FMO2: variants seen among roughly 807,000 people sequenced by gnomAD.
FMO2 encodes flavin-containing monooxygenase 2.
FMO2 carries 33 observed loss-of-function variants against 41.6 expected under a neutral mutation model. That is an observed-to-expected ratio of 0.79 (90% CI 0.60 to 1.06). The LOEUF (loss-of-function observed/expected upper bound fraction) is 1.06. Ranked by LOEUF, FMO2 falls within the 50% of genes least tolerant of loss-of-function variation. The pLI, the probability that FMO2 is intolerant of heterozygous loss-of-function variation, is 0.00. For synonymous variants in FMO2, 214 were observed against 219.6 expected (o/e 0.97, Z 0.23); for missense variants, 619 against 632.9 (o/e 0.98, Z 0.23).
Position 171,199,335 on chromosome 1 carries a change from TC to T in FMO2, c.485-6del, listed in dbSNP as rs1254028681. ...TGGAGCTCACAGACTTCTCTCTTCTTCCCCCTGAAGGTATGGAGAGGTTCAA... is the reference window on the plus strand; with the variant it reads ...TGGAGCTCACAGACTTCTCTCTTCTTCCCCTGAAGGTATGGAGAGGTTCAA... On this transcript the variant is annotated splice_polypyrimidine_tract_variant and intron_variant, in intron 4 of 8. Transcript: ENST00000209929. 1 of 1,567,522 alleles carries T rather than the reference TC, an allele frequency of 6.4e-7. No individual in the cohort carries two copies. The highest frequency in any genetic ancestry group is 1.9e-5 in the Admixed American group (1 of 51,610).
chr1:171,195,277 A>G (rs181381123), intron 3 of FMO2, among the ~76,000 whole-genome samples: 1 of 152,326 alleles, frequency 6.6e-6, no homozygotes, highest in East Asian at 1.9e-4. Context: ...TATGATTGTC[A>G]ATGTAATCTA....
At chr1:171,195,225 C>T (rs971444787) in intron 3 of FMO2, among the ~76,000 whole-genome samples, 2 of 152,156 alleles carry the variant, frequency 1.3e-5, no homozygotes, top group Non-Finnish European at 2.9e-5. Flanking sequence ...GGTGTTAGAG[C>T]TCAACTCGAG....
intron 3 of FMO2, among the ~76,000 whole-genome samples, chr1:171,195,796 TA>T (rs11287160): frequency 0.4 from 60,458 of 152,028 alleles, 12,826 homozygotes; most frequent in East Asian, 0.55. Flanking sequence ...GAGCTACATT[TA>T]AAAAAATCAA....
Position 171,185,704 on chromosome 1 carries a change from A to G in FMO2, c.-6-4A>G. ...GTAATGTTGATTGATCAACTCCTTGACAGGAGCTGATGGCAAAGAAGGTAG... is the reference window on the plus strand; with the variant it reads ...GTAATGTTGATTGATCAACTCCTTGGCAGGAGCTGATGGCAAAGAAGGTAG... On this transcript the variant is annotated splice_polypyrimidine_tract_variant and splice_region_variant and intron_variant, in intron 1 of 8. Transcript: ENST00000209929. 6.2e-7 allele frequency: 1 copy of G among 1,613,524 alleles called. No individual in the cohort carries two copies. The highest frequency in any genetic ancestry group is 1.7e-5 in the Admixed American group (1 of 60,016).
chr1:171,198,895 T>C (rs28369872), intron 4 of FMO2, among the ~76,000 whole-genome samples: 15,839 of 151,840 alleles, frequency 0.1, 1,498 homozygotes, highest in African/African-American at 0.26. Flanking sequence ...CCTGTTTTTT[T>C]GTTTGTTTTT....
chr1:171,187,027 A>G (rs1416137988), intron 2 of FMO2, among the ~76,000 whole-genome samples: 1 of 152,236 alleles, frequency 6.6e-6, no homozygotes, highest in African/African-American at 2.4e-5. Context: ...AATAATAACT[A>G]TATATTTTAT....
rs145538887 is a variant in FMO2 at position 171,200,283 on chromosome 1, A to G, written c.627+795A>G. Among the ~76,000 whole-genome samples, 500 of 152,302 alleles carry G rather than the reference A, an allele frequency of 3.3e-3. 3 individuals are homozygous for G. The highest frequency in any genetic ancestry group is 0.011 in the African/African-American group (471 of 41,562). On this transcript the variant is annotated intron_variant, in intron 5 of 8. Transcript: ENST00000209929. ...ACACCAGCTGAGCTGCCAAAGAGTC[A>G]AACATTCATTACACGATGATGCTGC...
At chr1:171,197,483 G>A (rs910719260) in intron 4 of FMO2, among the ~76,000 whole-genome samples, 2 of 152,174 alleles carry the variant, frequency 1.3e-5, no homozygotes, top group African/African-American at 4.8e-5. Context: ...CAGGATTAAG[G>A]CCTGCTCATC....
intron 2 of FMO2, chr1:171,188,901 G>A (rs1201134201): frequency 6.6e-6 from 1 of 152,074 alleles, no homozygotes; most frequent in Non-Finnish European, 1.5e-5. Context: ...TATATTTTTC[G>A]TTCTGTTTCC....
intron 2 of FMO2, among the ~76,000 whole-genome samples, chr1:171,192,118 A>G (rs773177497): frequency 6.6e-6 from 1 of 152,198 alleles, no homozygotes; most frequent in Non-Finnish European, 1.5e-5. Flanking sequence ...AACTTGATTA[A>G]GAAACTCATT....
intron 4 of FMO2, among the ~76,000 whole-genome samples, chr1:171,198,698 A>G (rs1277777382): frequency 4.0e-5 from 6 of 151,886 alleles, no homozygotes; most frequent in African/African-American, 1.5e-4. Flanking sequence ...GGTGTGAGCC[A>G]CCACACCTTG....
intron 1 of FMO2, 90 bp from the exon 2 acceptor site, chr1:171,185,618 A>G: frequency 1.5e-6 from 2 of 1,296,240 alleles, no homozygotes; most frequent in Non-Finnish European, 1.1e-6. Flanking sequence ...CACTGCTACA[A>G]TGTTTAAAGC....
chr1:171,204,211 G>C (rs1658660283), intron 6 of FMO2, 147 bp downstream of exon 6: 3 of 633,264 alleles, frequency 4.7e-6, no homozygotes, highest in Admixed American at 2.7e-5. Flanking sequence ...CTGGAGTTTA[G>C]CTTCTAAATT....
rs749881897 is a variant in FMO2, at chr1:171,208,925, T to C, written c.1388T>C (p.Leu463Pro). 13 of 1,613,844 alleles carry C rather than the reference T, an allele frequency of 8.1e-6. No homozygotes were observed. Among genetic ancestry groups the C allele is most frequent in the Non-Finnish European group, 1.1e-5 (13 of 1,179,898 alleles). The change falls in exon 9 of 9, where the codon CTC (leucine) becomes CCC (proline). Residue 463 changes from leucine (L) to proline (P), a missense_variant. Coordinates refer to ENST00000209929, the MANE Select transcript of FMO2 (RefSeq NM_001460.5). The part of the protein sequence containing the change: ...LFKDPKLAVR[L>P]YFGPCNSYQY... ...AAAGATCCTAAACTGGCTGTGAGACTCTATTTCGGACCCTGCAACTCCTAT... is the reference window on the plus strand; with the variant it reads ...AAAGATCCTAAACTGGCTGTGAGACCCTATTTCGGACCCTGCAACTCCTAT...
chr1:171,185,894 G>A (rs536785146), intron 2 of FMO2, 49 bp downstream of exon 2: 4 of 1,584,164 alleles, frequency 2.5e-6, no homozygotes, highest in East Asian at 2.2e-5. Flanking sequence ...GTTATTTCAG[G>A]GTGAATCACA....
At chr1:171,189,659 C>CTTTTTTTTTT (rs397827245) in intron 2 of FMO2, among the ~76,000 whole-genome samples, 1 of 121,474 alleles carries the variant, frequency 8.2e-6, no homozygotes, top group African/African-American at 2.9e-5. Flanking sequence ...TTTTTCTTTT[C>CTTTTTTTTTT]TTTTTTTTTT....
chr1:171,208,768 A>C (rs1167635281), intron 8 of FMO2, 26 bp from the exon 9 acceptor site: 2 of 1,610,600 alleles, frequency 1.2e-6, no homozygotes, highest in South Asian at 2.2e-5. Flanking sequence ...TTCTGTGAAC[A>C]TTCCCTTTTT....
chr1:171,185,565 T>G, intron 1 of FMO2, 143 bp from the exon 2 acceptor site: 1 of 774,848 alleles, frequency 1.3e-6, no homozygotes, highest in Admixed American at 2.7e-5. Flanking sequence ...AGAGCAGGAT[T>G]TTTGACTGGC....
rs761347562 is a variant in FMO2 at position 171,196,710 on chromosome 1, T to A, written c.383T>A (p.Val128Asp). Reference sequence around the variant, plus strand: ...TCATCCTCTGGCCAATGGAAGGTTGTCACTCAGAGCAACGGCAAGGAGCAG... The same window carrying A: ...TCATCCTCTGGCCAATGGAAGGTTGACACTCAGAGCAACGGCAAGGAGCAG... ...DFSSSGQWKV[V>D]TQSNGKEQSA... Residue 128 changes from valine to aspartate, a missense_variant, in exon 4 of 9, where the codon GTC becomes GAC. Val to Asp is a radical substitution (Grantham distance 152, BLOSUM62 -3). Transcript: ENST00000209929. The A allele has an allele frequency of 1.0e-4, 165 of 1,613,514 alleles. No individual in the cohort carries two copies. The highest frequency in any genetic ancestry group is 1.3e-4 in the Non-Finnish European group (151 of 1,179,890).
Sources: gnomAD v4.1 joint callset for allele counts (sites outside exome capture counted in the v4.1 genomes callset) on GRCh38, gnomAD v4.1.1 for gene constraint, MANE v1.5 for transcripts, NCBI Gene and HGNC (gene_info 2026-07-23, HGNC 2026-07-21) for gene names.